Variants in C1D observed in about 807,000 individuals in gnomAD.
C1D encodes C1D nuclear receptor corepressor, also known as nuclear nucleic acid-binding protein C1D.
A neutral mutation model predicts 17.5 loss-of-function variants in C1D; 10 were observed. That is an observed-to-expected ratio of 0.57 (90% CI 0.35 to 0.97). C1D has a LOEUF of 0.97. C1D is among the 50% of genes least tolerant of loss of function. The pLI is 0.01. For missense variants in C1D, 136 were observed against 160.1 expected, an observed-to-expected ratio of 0.85 and a Z score of 0.81; for synonymous variants, 49 against 54.0, an observed-to-expected ratio of 0.91 and a Z score of 0.40.
chr2:68,047,450 T>C (rs1671161935), intron 1 of C1D, 131 bp from the exon 2 acceptor site: 2 of 613,066 alleles, frequency 3.3e-6, no homozygotes, highest in East Asian at 6.5e-5. Flanking sequence ...GACAAATCTT[T>C]TTAAAATTTA....
intron 4 of C1D, 24 bp downstream of exon 4, chr2:68,045,959 CATAAA>C (rs1671107473): frequency 6.8e-7 from 1 of 1,463,252 alleles, no homozygotes; most frequent in African/African-American, 1.4e-5. Context: ...ACAACAAACA[CATAAA>C]ATAAAAAGAA....
Position 68,041,787 on chromosome 2 carries a change from A to G in C1D, c.*1102T>C, listed in dbSNP as rs1312690260. The G allele has an allele frequency of 6.6e-6, 1 of 152,082 alleles. No individual in the cohort carries two copies. 9.4% of individuals were successfully genotyped at this position (152,082 alleles called of 1,614,324 possible). Reference sequence around the variant, plus strand: ...TTCAAAAATTAAAGTACTTTACTATACTTGGCATTCCTACACATAATGATA... The same window carrying G: ...TTCAAAAATTAAAGTACTTTACTATGCTTGGCATTCCTACACATAATGATA... On this transcript the variant is annotated 3_prime_UTR_variant, in exon 5 of 5. Coordinates refer to ENST00000410067, the MANE Select transcript of C1D (RefSeq NM_173177.3).
intron 3 of C1D, 142 bp from the exon 4 acceptor site, chr2:68,046,185 A>G (rs984733871): frequency 2.5e-5 from 20 of 813,700 alleles, no homozygotes; most frequent in Non-Finnish European, 2.0e-6. Flanking sequence ...GTAATACTAA[A>G]TCTATGTGTG....
intron 1 of C1D, among the ~76,000 whole-genome samples, chr2:68,049,386 A>G (rs1162150202): frequency 2.0e-5 from 3 of 152,240 alleles, no homozygotes; most frequent in Admixed American, 1.3e-4. Context: ...AGATAAAGGT[A>G]TAAGTATAGG....
chr2:68,048,800 C>T (rs750845531), intron 1 of C1D, among the ~76,000 whole-genome samples: 2 of 152,190 alleles, frequency 1.3e-5, no homozygotes, highest in Admixed American at 6.5e-5. Context: ...CAAATCCCTA[C>T]AATATGACAG....
intron 1 of C1D, among the ~76,000 whole-genome samples, chr2:68,050,908 G>A (rs1671260001): frequency 6.6e-6 from 1 of 151,976 alleles, no homozygotes; most frequent in Non-Finnish European, 1.5e-5. Flanking sequence ...TTCATTTCAC[G>A]GCAACTTCAA....
At chr2:68,052,321 CA>C (rs1389786363) in intron 1 of C1D, among the ~76,000 whole-genome samples, 1 of 152,100 alleles carries the variant, frequency 6.6e-6, no homozygotes, top group Non-Finnish European at 1.5e-5. Flanking sequence ...AAAGCAGACT[CA>C]TTTTTTTAAC....
chr2:68,057,971 T>C (rs1671486197), intron 1 of C1D, among the ~76,000 whole-genome samples: 1 of 152,216 alleles, frequency 6.6e-6, no homozygotes, highest in African/African-American at 2.4e-5. Context: ...ATCTTCTCTT[T>C]CTGCCCCCAG....
At chr2:68,059,987 C>A (rs567621153) in intron 1 of C1D, among the ~76,000 whole-genome samples, 1 of 152,294 alleles carries the variant, frequency 6.6e-6, no homozygotes, top group South Asian at 2.1e-4. Context: ...AGATGACTAA[C>A]AGACATCAAA....
At chr2:68,061,410 G>A (rs1671625364) in intron 1 of C1D, among the ~76,000 whole-genome samples, 3 of 152,060 alleles carry the variant, frequency 2.0e-5, no homozygotes, top group South Asian at 2.1e-4. Context: ...AGTCTAATAG[G>A]AGAGTATATA....
chr2:68,051,073 T>C (rs1343936583), intron 1 of C1D, among the ~76,000 whole-genome samples: 2 of 152,222 alleles, frequency 1.3e-5, no homozygotes, highest in Non-Finnish European at 2.9e-5. Flanking sequence ...GTCCAAACCA[T>C]GCCTGAATGC....
chr2:68,046,277 A>T, intron 3 of C1D, 67 bp downstream of exon 3: 1 of 1,211,718 alleles, frequency 8.3e-7, no homozygotes, highest in South Asian at 1.3e-5. Flanking sequence ...TTAGCATTTT[A>T]AAAATAAATC....
chr2:68,051,485 C>A (rs1489629555), intron 1 of C1D, among the ~76,000 whole-genome samples: 1 of 152,080 alleles, frequency 6.6e-6, no homozygotes, highest in Non-Finnish European at 1.5e-5. Flanking sequence ...CAGCAAGACC[C>A]CAACTCTATT....
At chr2:68,053,158 G>A (rs558099471) in intron 1 of C1D, 22 of 1,550,536 alleles carry the variant, frequency 1.4e-5, no homozygotes, top group Middle Eastern at 3.3e-4. Flanking sequence ...AGAGACAGAC[G>A]GAGAGGGCAT....
chr2:68,056,089 G>T (rs1249300198), intron 1 of C1D, among the ~76,000 whole-genome samples: 3 of 152,046 alleles, frequency 2.0e-5, no homozygotes, highest in African/African-American at 7.2e-5. Flanking sequence ...CCAACAAAAG[G>T]CTCACATTCT....
chr2:68,046,615 C>G (rs1016184828), intron 2 of C1D: 21 of 500,336 alleles, frequency 4.2e-5, no homozygotes, highest in Admixed American at 3.3e-4. Flanking sequence ...TTTGTCCACA[C>G]ATTTTCACCT....
At chr2:68,056,760 T>C (rs898976043) in intron 1 of C1D, among the ~76,000 whole-genome samples, 3 of 152,316 alleles carry the variant, frequency 2.0e-5, no homozygotes, top group East Asian at 3.9e-4. Context: ...AAAAGATTAA[T>C]AGTACTAAAA....
rs190598590 is a variant in C1D, at chr2:68,042,715, C to G, written c.*174G>C. 89 of 474,002 alleles carry G rather than the reference C, an allele frequency of 1.9e-4. 1 individual carries two copies. The Admixed American group carries it at 2.5e-3, about 13-fold the overall frequency. 29.4% of individuals were successfully genotyped at this position (474,002 alleles called of 1,614,324 possible). On this transcript the variant is annotated 3_prime_UTR_variant, in exon 5 of 5. Transcript: ENST00000410067. ...CAATGTTAAAATCCTCAGTGCTAATCAATAAAGATAATGATCTTTGGAGAG... is the reference window on the plus strand; with the variant it reads ...CAATGTTAAAATCCTCAGTGCTAATGAATAAAGATAATGATCTTTGGAGAG...
rs1297637135 is a variant in C1D at position 68,047,323 on chromosome 2, G to GA, written c.-9-5dup. 6.3e-7 allele frequency: 1 copy of GA among 1,586,634 alleles called. No homozygotes were observed. Among genetic ancestry groups the GA allele is most frequent in the Admixed American group, 1.9e-5 (1 of 53,904 alleles). ...CTTCACCTGCCATTATGGCTGACTG[G>GA]AAAAAATTAAATTCTTTGAATTCAT... is the stretch of plus-strand genomic sequence containing the variant. On this transcript the variant is annotated splice_region_variant and splice_polypyrimidine_tract_variant and intron_variant, in intron 1 of 4. Coordinates refer to ENST00000410067, the MANE Select transcript of C1D (RefSeq NM_173177.3).
Sources: gnomAD v4.1 joint callset for allele counts (sites outside exome capture counted in the v4.1 genomes callset) on GRCh38, gnomAD v4.1.1 for gene constraint, MANE v1.5 for transcripts, NCBI Gene and HGNC (gene_info 2026-07-23, HGNC 2026-07-21) for gene names.